The following USO1 variants were observed in gnomAD, a reference collection of about 807,000 sequenced individuals.
USO1 encodes the protein general vesicular transport factor p115.
Under a neutral mutation model 124.5 loss-of-function variants are expected in USO1, and 57 were observed. That is an observed-to-expected ratio of 0.46 (90% confidence interval 0.37 to 0.57). The LOEUF is 0.57. Among genes scored for constraint, USO1 ranks in the 20% least tolerant of loss-of-function variants. The probability of loss-of-function intolerance (pLI) is 0.00; values close to 1 mark genes in which losing one functional copy is unlikely to be tolerated. For synonymous variants in USO1, 369 were observed against 362.8 expected, an observed-to-expected ratio of 1.02 and a Z score of -0.19; for missense variants, 900 against 1,040.6, an observed-to-expected ratio of 0.86 and a Z score of 1.86.
At chr4:75,779,416 A>C (rs1383866373) in intron 8 of USO1, among the ~76,000 whole-genome samples, 1 of 152,254 alleles carries the variant, frequency 6.6e-6, no homozygotes, top group African/African-American at 2.4e-5. Context: ...GCTAGGCCCA[A>C]TAGCCAAGTT....
chr4:75,800,665 T>G lies in USO1; in HGVS notation c.1730T>G (p.Phe577Cys). Reference protein sequence around the residue: ...LIEKRIGKENFIEKLGFISKH... With the variant: ...LIEKRIGKENCIEKLGFISKH... ...GAGAAGAGGATTGGCAAAGAGAATT[T>G]CATAGAGAAACTAGGATTTATTAGC... The change falls in exon 16 of 24, where the codon TTC becomes TGC. Residue 577 changes from phenylalanine (F) to cysteine (C), a missense_variant. By Grantham distance (205) the Phe-to-Cys change is radical. This residue lies in a region of USO1 where 538 missense variants were observed against 681.6 expected (regional missense o/e 0.79). Coordinates refer to ENST00000514213, the MANE Select transcript of USO1 (RefSeq NM_003715.4). The G allele has an allele frequency of 6.3e-7, 1 of 1,595,306 alleles. No individual in the cohort carries two copies. Among genetic ancestry groups the G allele is most frequent in the Non-Finnish European group, 8.5e-7 (1 of 1,174,092 alleles).
chr4:75,772,238 G>A (rs1388688527), intron 7 of USO1, among the ~76,000 whole-genome samples: 1 of 151,966 alleles, frequency 6.6e-6, no homozygotes, highest in Non-Finnish European at 1.5e-5. Flanking sequence ...TAACTTACAA[G>A]AAGGACATTT....
chr4:75,733,528 G>T (rs945417291), intron 1 of USO1, among the ~76,000 whole-genome samples: 5 of 152,202 alleles, frequency 3.3e-5, no homozygotes, highest in African/African-American at 1.2e-4. Flanking sequence ...ACTGGTGGGA[G>T]ATGGTATTTC....
chr4:75,796,341 C>CTTTTTTTTTTTTTTTTTTTTTTTTTTTTT (rs533041107), intron 13 of USO1, among the ~76,000 whole-genome samples: 1 of 102,064 alleles, frequency 9.8e-6, no homozygotes. Context: ...CCATCATGCT[C>CTTTTTTTTTTTTTTTTTTTTTTTTTTTTT]TTTTTTTTTT....
At position 75,774,712 on chromosome 4, in the gene USO1, G is replaced by A; in HGVS notation, c.592G>A (p.Gly198Ser). The A allele has an allele frequency of 6.2e-7, 1 of 1,613,512 alleles. No individual in the cohort carries two copies. Among genetic ancestry groups the A allele is most frequent in the Non-Finnish European group, 8.5e-7 (1 of 1,179,646 alleles). Reference protein sequence around the residue: ...LLLQALTRSNGAIQKIVAFEN... With the variant: ...LLLQALTRSNSAIQKIVAFEN... ...ACTGCAGGCACTAACAAGAAGCAATGGTGCAATCCAGAAAATTGTTGCTTT... is the reference window on the plus strand; with the variant it reads ...ACTGCAGGCACTAACAAGAAGCAATAGTGCAATCCAGAAAATTGTTGCTTT... Residue 198 changes from glycine to serine, a missense_variant, in exon 8 of 24, where the codon GGT becomes AGT. This residue lies in a region of USO1 where 538 missense variants were observed against 681.6 expected (regional missense o/e 0.79). Coordinates refer to ENST00000514213, the MANE Select transcript of USO1 (RefSeq NM_003715.4).
chr4:75,781,052 T>C (rs1722208035), intron 8 of USO1, among the ~76,000 whole-genome samples: 1 of 152,150 alleles, frequency 6.6e-6, no homozygotes, highest in South Asian at 2.1e-4. Context: ...TTGAAAACTT[T>C]CTGGAAACGA....
chr4:75,776,289 A>T (rs1431282267), intron 8 of USO1, among the ~76,000 whole-genome samples: 1 of 152,210 alleles, frequency 6.6e-6, no homozygotes, highest in Middle Eastern at 3.2e-3. Context: ...TCACTTGAGA[A>T]CATTACAAGA....
chr4:75,777,196 A>T (rs893163577), intron 8 of USO1, among the ~76,000 whole-genome samples: 15 of 152,196 alleles, frequency 9.9e-5, no homozygotes, highest in African/African-American at 3.6e-4. Context: ...ATTTTCAGCA[A>T]AATAACTGTT....
chr4:75,805,115 TTA>T, intron 18 of USO1, 23 bp from the exon 19 acceptor site: 1 of 1,526,732 alleles, frequency 6.5e-7, no homozygotes, highest in Non-Finnish European at 8.8e-7. Context: ...CCGTTGGCTT[TTA>T]AAATGTTATG....
intron 4 of USO1, among the ~76,000 whole-genome samples, chr4:75,764,583 A>G (rs1351366193): frequency 1.3e-5 from 2 of 152,142 alleles, no homozygotes; most frequent in Non-Finnish European, 2.9e-5. Flanking sequence ...TTTAAAATAC[A>G]TTTTAGGGGA....
intron 4 of USO1, among the ~76,000 whole-genome samples, chr4:75,762,909 C>T (rs900066792): frequency 2.6e-5 from 4 of 152,214 alleles, no homozygotes; most frequent in South Asian, 2.1e-4. Context: ...GACTGGGCGA[C>T]AGTGCGAGAC....
rs772873025 is a variant in USO1, at chr4:75,800,442, A to G, written c.1655A>G (p.Asn552Ser). 109 of 1,594,282 alleles carry G rather than the reference A, an allele frequency of 6.8e-5. No individual in the cohort carries two copies. Among genetic ancestry groups the G allele is most frequent in the East Asian group, 2.5e-4 (11 of 44,420 alleles). ...TTGTTGGGCATTTCGATTTATTTCA[A>G]TGATAACTCACTTGAGAGCTACATG... ...ALLLGISIYF[N>S]DNSLESYMKE... is the part of the protein sequence containing the mutation. The change falls in exon 15 of 24, where the codon AAT becomes AGT. Residue 552 changes from asparagine (N) to serine (S), a missense_variant. Physicochemically the swap from Asn to Ser is conservative, Grantham distance 46. Coordinates refer to ENST00000514213, the MANE Select transcript of USO1 (RefSeq NM_003715.4).
At chr4:75,734,687 T>C (rs1720736399) in intron 1 of USO1, among the ~76,000 whole-genome samples, 1 of 148,138 alleles carries the variant, frequency 6.8e-6, no homozygotes, top group African/African-American at 2.5e-5. Context: ...AGGAATAGCG[T>C]TGAATCTGTA....
chr4:75,750,969 A>G (rs946648802), intron 1 of USO1, among the ~76,000 whole-genome samples: 34 of 152,178 alleles, frequency 2.2e-4, no homozygotes, highest in African/African-American at 7.7e-4. Context: ...ATTTAGTTTT[A>G]TAACTTGCTT....
At chr4:75,791,436 A>G (rs1277695594) in intron 12 of USO1, among the ~76,000 whole-genome samples, 1 of 152,194 alleles carries the variant, frequency 6.6e-6, no homozygotes, top group Non-Finnish European at 1.5e-5. Context: ...AGGCAGGAGA[A>G]TCGCTCAAAT....
intron 1 of USO1, among the ~76,000 whole-genome samples, chr4:75,749,939 G>C (rs985862041): frequency 6.6e-6 from 1 of 152,042 alleles, no homozygotes; most frequent in Admixed American, 6.6e-5. Context: ...ATTTTTAGTA[G>C]AGACAGGGTT....
intron 10 of USO1, among the ~76,000 whole-genome samples, chr4:75,789,053 C>CT (rs561010332): frequency 3.9e-4 from 57 of 147,260 alleles, no homozygotes; most frequent in South Asian, 1.1e-3. Context: ...TATAATCCTC[C>CT]TTTTTTTTTT....
chr4:75,802,095 T>C (rs1396524375), intron 17 of USO1, among the ~76,000 whole-genome samples: 6 of 152,222 alleles, frequency 3.9e-5, no homozygotes, highest in Non-Finnish European at 1.5e-5. Context: ...ATGCTGGGAT[T>C]ATAGGCATAA....
intron 19 of USO1, among the ~76,000 whole-genome samples, chr4:75,805,944 C>T (rs186855156): frequency 3.1e-4 from 47 of 152,090 alleles, no homozygotes; most frequent in African/African-American, 1.0e-3. Context: ...TCCATATGAA[C>T]GCAGGTAAAT....
Sources: gnomAD v4.1 joint callset for allele counts (sites outside exome capture counted in the v4.1 genomes callset) on GRCh38, gnomAD v4.1.1 for gene constraint, gnomAD v4.1.1 regional missense constraint, MANE v1.5 for transcripts, NCBI Gene and HGNC (gene_info 2026-07-23, HGNC 2026-07-21) for gene names.